DNAH11: variants seen among roughly 807,000 people sequenced by gnomAD.
DNAH11 encodes the protein axonemal beta dynein heavy chain 11.
In DNAH11, 442 loss-of-function variants were observed where a neutral mutation model predicts 526.0. The observed-to-expected ratio is 0.84, with a 90% confidence interval of 0.78 to 0.91. DNAH11 has a LOEUF of 0.91. DNAH11 is among the 40% of genes least tolerant of loss of function. The pLI is 0.00. For missense variants in DNAH11, 6,989 were observed against 5,448.7 expected (o/e 1.28, Z -8.90); for synonymous variants, 2,461 against 1,935.9 (o/e 1.27, Z -7.12).
intron 25 of DNAH11, among the ~76,000 whole-genome samples, chr7:21,632,633 T>C (rs111295689): frequency 0.4 from 61,312 of 151,976 alleles, 12,799 homozygotes; most frequent in East Asian, 0.58. Context: ...GTCACCTTTG[T>C]TCCAGTTCCC....
intron 43 of DNAH11, among the ~76,000 whole-genome samples, chr7:21,720,159 G>T (rs1473642987): frequency 6.6e-6 from 1 of 152,194 alleles, no homozygotes; most frequent in Admixed American, 6.5e-5. Flanking sequence ...GGCTTAAGCT[G>T]CCAGTCCAAC....
At chr7:21,729,713 TCACCA>T (rs1461013716) in intron 45 of DNAH11, among the ~76,000 whole-genome samples, 32 of 151,698 alleles carry the variant, frequency 2.1e-4, no homozygotes, top group Non-Finnish European at 4.0e-4. Flanking sequence ...CACTGAGGTC[TCACCA>T]GAACCATCTG....
At chr7:21,800,878 G>A (rs12700304) in intron 61 of DNAH11, among the ~76,000 whole-genome samples, 4 of 152,016 alleles carry the variant, frequency 2.6e-5, no homozygotes, top group East Asian at 1.9e-4. Context: ...CACCCCAGTC[G>A]CTCCCTGCAT....
chr7:21,571,720 A>G, intron 7 of DNAH11, 86 bp from the exon 8 acceptor site: 3 of 1,023,038 alleles, frequency 2.9e-6, no homozygotes, highest in African/African-American at 3.2e-5. Flanking sequence ...TTGATTTTGA[A>G]CATTTGAAAA....
In DNAH11 at chr7:21,897,679, G is replaced by A. The variant is rs562240330; in HGVS notation, c.13050-1657G>A. Among the ~76,000 whole-genome samples the A allele has an allele frequency of 5.3e-5, 8 of 152,248 alleles. No individual in the cohort carries two copies. The South Asian group carries it at 1.7e-3, about 32-fold the overall frequency. On this transcript the variant is annotated intron_variant, in intron 79 of 81. Coordinates refer to ENST00000409508, the MANE Select transcript of DNAH11 (RefSeq NM_001277115.2). ...TGCCTAGGCTGGAGTGCAGTGACGT[G>A]ATCGCAGCTCACTGCAACCTCTGCC...
intron 30 of DNAH11, among the ~76,000 whole-genome samples, chr7:21,674,493 T>A (rs1461999574): frequency 6.6e-6 from 1 of 152,148 alleles, no homozygotes; most frequent in Admixed American, 6.6e-5. Context: ...CCCAAGTAAC[T>A]GGGGTTACAA....
At position 21,884,351 on chromosome 7, in the gene DNAH11, G is replaced by A; in HGVS notation, c.12448G>A (p.Asp4150Asn). The change falls in exon 76 of 82, where the codon GAT becomes AAT. Residue 4150 changes from aspartate (D) to asparagine (N), a missense_variant. Coordinates refer to ENST00000409508, the MANE Select transcript of DNAH11 (RefSeq NM_001277115.2). ...GATCATGTATGGAGGCCACATCACA[G>A]ATGACTGGGATCGCAAACTGTGTCG... ...GEIMYGGHIT[D>N]DWDRKLCRVY... is the part of the protein sequence containing the mutation. The A allele has an allele frequency of 6.2e-7, 1 of 1,613,488 alleles. No homozygotes were observed. The highest frequency in any genetic ancestry group is 8.5e-7 in the Non-Finnish European group (1 of 1,179,622).
chr7:21,826,605 T>G lies in DNAH11; in HGVS notation c.10691+8266T>G, dbSNP rs186926045. Among the ~76,000 whole-genome samples, 4 of 152,318 alleles carry G rather than the reference T, an allele frequency of 2.6e-5. No homozygotes were observed. The East Asian group carries it at 7.7e-4, about 29-fold the overall frequency. On this transcript the variant is annotated intron_variant, in intron 65 of 81. Transcript: ENST00000409508. Reference sequence around the variant, plus strand: ...ACTTGATTTCTCTATCCTCTTTTTTTTTTTCCTATGTGACTATCTCTGTGT... The same window carrying G: ...ACTTGATTTCTCTATCCTCTTTTTTGTTTTCCTATGTGACTATCTCTGTGT...
intron 65 of DNAH11, among the ~76,000 whole-genome samples, chr7:21,830,754 C>T (rs1335346454): frequency 6.6e-6 from 1 of 152,044 alleles, no homozygotes; most frequent in Non-Finnish European, 1.5e-5. Flanking sequence ...GATGAAACAG[C>T]ATGTTTTTTA....
intron 54 of DNAH11, among the ~76,000 whole-genome samples, chr7:21,755,744 C>T (rs933412278): frequency 6.6e-6 from 1 of 152,034 alleles, no homozygotes; most frequent in African/African-American, 2.4e-5. Context: ...AATTACCTTC[C>T]CATTTGTCTT....
At chr7:21,627,155 A>G (rs1056401083) in intron 25 of DNAH11, among the ~76,000 whole-genome samples, 1 of 151,986 alleles carries the variant, frequency 6.6e-6, no homozygotes, top group African/African-American at 2.4e-5. Context: ...TGAATTTTGT[A>G]TGTATTCTGG....
chr7:21,870,769 T>G (rs1474900075), intron 73 of DNAH11, among the ~76,000 whole-genome samples: 2 of 152,264 alleles, frequency 1.3e-5, no homozygotes, highest in African/African-American at 4.8e-5. Flanking sequence ...GATCTACTTT[T>G]GGATATTTGT....
intron 69 of DNAH11, among the ~76,000 whole-genome samples, chr7:21,863,252 C>T (rs1783139720): frequency 6.6e-6 from 1 of 152,174 alleles, no homozygotes; most frequent in Non-Finnish European, 1.5e-5. Flanking sequence ...CCAAAGAAGG[C>T]ACTTTATACA....
intron 39 of DNAH11, among the ~76,000 whole-genome samples, chr7:21,706,643 A>G (rs766427855): frequency 1.3e-5 from 2 of 152,172 alleles, no homozygotes; most frequent in Non-Finnish European, 2.9e-5. Flanking sequence ...TATAAGCTTA[A>G]TATTCCTAAG....
At chr7:21,725,728 A>G (rs1785070179) in intron 44 of DNAH11, 83 bp from the exon 45 acceptor site, 3 of 1,385,210 alleles carry the variant, frequency 2.2e-6, no homozygotes, top group Non-Finnish European at 3.0e-6. Context: ...TACCCCTATG[A>G]TATTGTTACT....
At chr7:21,900,195 G>C (rs1784716638) in intron 81 of DNAH11, 75 bp downstream of exon 81, 2 of 1,446,760 alleles carry the variant, frequency 1.4e-6, no homozygotes, top group Non-Finnish European at 9.2e-7. Flanking sequence ...TCTGCTTACT[G>C]TTTCTCAGCA....
intron 25 of DNAH11, among the ~76,000 whole-genome samples, chr7:21,628,619 C>T (rs1358876872): frequency 2.0e-5 from 3 of 151,906 alleles, no homozygotes; most frequent in African/African-American, 7.3e-5. Flanking sequence ...TTAAACTGTC[C>T]TTCTATCTCT....
intron 30 of DNAH11, among the ~76,000 whole-genome samples, chr7:21,675,080 G>A (rs1017767210): frequency 1.1e-4 from 16 of 149,990 alleles, no homozygotes; most frequent in Non-Finnish European, 2.1e-4. Context: ...TTTTCTTCCA[G>A]TCTTACCTTC....
At chr7:21,597,921 A>AG (rs1784926355) in intron 14 of DNAH11, among the ~76,000 whole-genome samples, 1 of 152,186 alleles carries the variant, frequency 6.6e-6, no homozygotes, top group Non-Finnish European at 1.5e-5. Flanking sequence ...GCACAATTCC[A>AG]GGGGTGCATG....
Sources: gnomAD v4.1 joint callset for allele counts (sites outside exome capture counted in the v4.1 genomes callset) on GRCh38, gnomAD v4.1.1 for gene constraint, MANE v1.5 for transcripts, NCBI Gene and HGNC (gene_info 2026-07-23, HGNC 2026-07-21) for gene names.